ALPK3: variants seen among roughly 807,000 people sequenced by gnomAD.
ALPK3 encodes the protein alpha kinase 3.
In ALPK3, 102 loss-of-function variants were observed where a neutral mutation model predicts 140.0. That is an observed-to-expected ratio of 0.73 (90% confidence interval 0.62 to 0.86). ALPK3 has a LOEUF of 0.86. Among genes scored for constraint, ALPK3 ranks in the 40% least tolerant of loss-of-function variants. The pLI, the probability that ALPK3 is intolerant of heterozygous loss-of-function variation, is 0.00. For synonymous variants in ALPK3, 938 were observed against 898.5 expected (o/e 1.04, Z -0.79); for missense variants, 2,254 against 2,208.2 (o/e 1.02, Z -0.42).
In ALPK3 at chr15:84,840,685, C is replaced by T. The variant is rs746457084; in HGVS notation, c.1406C>T (p.Ser469Phe). ...VPGAPGQPTH[S>F]LTPQPTRPFN... ...GGCGCTCCTGGCCAGCCCACACACT[C>T]CTTGACCCCCCAGCCGACTAGGCCT... The change falls in exon 5 of 14, where the codon TCC becomes TTC. Residue 469 changes from serine (S) to phenylalanine (F), a missense_variant. This residue lies in a region of ALPK3 where 2,088 missense variants were observed against 2,022.9 expected (regional missense o/e 1.03). Coordinates refer to ENST00000258888, the MANE Select transcript of ALPK3 (RefSeq NM_020778.5). The T allele has an allele frequency of 1.0e-5, 16 of 1,605,398 alleles. No homozygotes were observed. The highest frequency in any genetic ancestry group is 1.4e-5 in the Non-Finnish European group (16 of 1,175,850).
intron 3 of ALPK3, among the ~76,000 whole-genome samples, chr15:84,828,713 G>A (rs7183401): frequency 2.0e-5 from 3 of 151,992 alleles, no homozygotes; most frequent in African/African-American, 2.4e-5. Flanking sequence ...GGTGAATTTC[G>A]CAAGTTGTCT....
At chr15:84,848,458 TA>T (rs1230072321) in intron 5 of ALPK3, among the ~76,000 whole-genome samples, 1 of 151,986 alleles carries the variant, frequency 6.6e-6, no homozygotes, top group Non-Finnish European at 1.5e-5. Flanking sequence ...AGAAATACTA[TA>T]CAAAGAGATA....
At chr15:84,823,289 G>T (rs1963448020) in intron 1 of ALPK3, 41 bp from the exon 2 acceptor site, 1 of 1,613,082 alleles carries the variant, frequency 6.2e-7, no homozygotes, top group East Asian at 2.2e-5. Context: ...CTTCCTTCTT[G>T]CTTTTTTGGC....
At position 84,856,654 on chromosome 15, in the gene ALPK3, C is replaced by T. The variant is rs151054715; in HGVS notation, c.1916C>T (p.Thr639Met). The T allele has an allele frequency of 1.9e-5, 31 of 1,613,862 alleles. No homozygotes were observed. In the East Asian group the frequency reaches 3.3e-4, roughly 17 times the overall value. Residue 639 changes from threonine to methionine, a missense_variant, in exon 6 of 14, where the codon ACG becomes ATG. By Grantham distance (81) the Thr-to-Met change is moderately conservative. This residue lies in a region of ALPK3 where 2,088 missense variants were observed against 2,022.9 expected (regional missense o/e 1.03). Transcript: ENST00000258888. Reference protein sequence around the residue: ...TAQRTRADRKTQVDAGTQESK... With the variant: ...TAQRTRADRKMQVDAGTQESK... ...CAGAGGACACGTGCAGATAGGAAGA[C>T]GCAGGTGGATGCTGGGACACAAGAA... is the stretch of plus-strand genomic sequence containing the variant.
In ALPK3 at chr15:84,860,154, G is replaced by T. The variant is rs1294808485; in HGVS notation, c.4129+82G>T. ...GACCCTCTTTAAGGGCTTGGAATCT[G>T]GTCCCAATCCACATACTGCTCCTCT... On this transcript the variant is annotated intron_variant, in intron 9 of 13. Coordinates refer to ENST00000258888, the MANE Select transcript of ALPK3 (RefSeq NM_020778.5). 20 of 1,524,324 alleles carry T rather than the reference G, an allele frequency of 1.3e-5. No homozygotes were observed. In the East Asian group the frequency reaches 4.0e-4, roughly 31 times the overall value. 94.4% of individuals were successfully genotyped at this position (1,524,324 alleles called of 1,614,324 possible).
At chr15:84,866,052 C>T (rs1182832625) in intron 12 of ALPK3, among the ~76,000 whole-genome samples, 1 of 152,202 alleles carries the variant, frequency 6.6e-6, no homozygotes, top group Admixed American at 6.5e-5. Context: ...TTAGGTCATT[C>T]AATCTCTCTG....
At chr15:84,832,369 C>A (rs912857426) in intron 3 of ALPK3, among the ~76,000 whole-genome samples, 31 of 152,186 alleles carry the variant, frequency 2.0e-4, no homozygotes, top group African/African-American at 7.5e-4. Flanking sequence ...TGCCTGTTCA[C>A]TTCATCTTTG....
rs1323802258 is a variant in ALPK3 at position 84,817,590 on chromosome 15, G to C, written c.138G>C (p.Glu46Asp). The C allele has an allele frequency of 6.7e-7, 1 of 1,498,654 alleles. No individual in the cohort carries two copies. Among genetic ancestry groups the C allele is most frequent in the Non-Finnish European group, 8.9e-7 (1 of 1,129,486 alleles). The allele number at this position is 1,498,654 out of a possible 1,614,324, so 92.8% of individuals were successfully genotyped here. The change falls in exon 1 of 14, where the codon GAG becomes GAC. Residue 46 changes from glutamate to aspartate, a missense_variant. Physicochemically the swap from Glu to Asp is conservative, Grantham distance 45. Coordinates refer to ENST00000258888, the MANE Select transcript of ALPK3 (RefSeq NM_020778.5). Reference sequence around the variant, plus strand: ...GCTACCTGCTCAGCGTGCGGCCCGAGACCAGGTAAGTGGCACCAAGGGGCA... The same window carrying C: ...GCTACCTGCTCAGCGTGCGGCCCGACACCAGGTAAGTGGCACCAAGGGGCA... Reference protein sequence around the residue: ...SRSYLLSVRPETSLSSNRLSH... With the variant: ...SRSYLLSVRPDTSLSSNRLSH...
At chr15:84,845,763 C>T (rs768904228) in intron 5 of ALPK3, among the ~76,000 whole-genome samples, 1 of 152,156 alleles carries the variant, frequency 6.6e-6, no homozygotes, top group Non-Finnish European at 1.5e-5. Context: ...AGGGCAGATC[C>T]AAATAGCACT....
At chr15:84,831,532 T>G (rs187555960) in intron 3 of ALPK3, among the ~76,000 whole-genome samples, 25 of 152,376 alleles carry the variant, frequency 1.6e-4, no homozygotes, top group Non-Finnish European at 3.1e-4. Flanking sequence ...TTCTGTAGCA[T>G]CCTGCACTTT....
At chr15:84,855,773 C>T (rs1054882442) in intron 5 of ALPK3, among the ~76,000 whole-genome samples, 2 of 152,214 alleles carry the variant, frequency 1.3e-5, no homozygotes, top group African/African-American at 4.8e-5. Flanking sequence ...ATACAGGGGC[C>T]TAGCATAGTG....
chr15:84,858,552 A>C lies in ALPK3; in HGVS notation c.3814A>C (p.Lys1272Gln). The C allele has an allele frequency of 6.3e-7, 1 of 1,581,506 alleles. No individual in the cohort carries two copies. The highest frequency in any genetic ancestry group is 8.5e-7 in the Non-Finnish European group (1 of 1,171,848). The stretch of plus-strand genomic sequence containing the variant: ...GCCCAGGAAAGCCAAAGACCTGCTG[A>C]AAGGTGAGCAGTGGGGAGGGAGAGG... ...AKPRKAKDLL[K>Q]APQVIRKIRV... Residue 1272 changes from lysine to glutamine, a missense_variant, in exon 6 of 14, where the codon AAA (lysine) becomes CAA (glutamine). Physicochemically the swap from Lys to Gln is moderately conservative, Grantham distance 53. Around this residue, in one of 3 missense-constraint regions of ALPK3, gnomAD observed 2,088 missense variants for 2,022.9 expected, o/e 1.03. Coordinates refer to ENST00000258888, the MANE Select transcript of ALPK3 (RefSeq NM_020778.5).
Position 84,868,131 on chromosome 15 carries a change from G to A in ALPK3, c.4793G>A (p.Ser1598Asn). 3 of 1,611,398 alleles carry A rather than the reference G, an allele frequency of 1.9e-6. No homozygotes were observed. Among genetic ancestry groups the A allele is most frequent in the African/African-American group, 1.3e-5 (1 of 74,960 alleles). Residue 1598 changes from serine to asparagine, a missense_variant, in exon 14 of 14, where the codon AGC becomes AAC. Physicochemically the swap from Ser to Asn is conservative, Grantham distance 46 (BLOSUM62 1). This residue lies in a region of ALPK3 where 158 missense variants were observed against 159.8 expected (regional missense o/e 0.99). Transcript: ENST00000258888. ...KLRGYQGLKE[S>N]CFPALLDRFA... ...TGCAGATACCAGGGCCTCAAGGAAA[G>A]CTGCTTCCCTGCCCTGCTGGACCGG...
intron 12 of ALPK3, among the ~76,000 whole-genome samples, chr15:84,866,235 G>C (rs1046973709): frequency 4.7e-4 from 71 of 152,200 alleles, no homozygotes; most frequent in African/African-American, 1.6e-3. Flanking sequence ...AATGCCAAAA[G>C]AGAAATGACA....
Position 84,859,907 on chromosome 15 carries a change from A to T in ALPK3, c.4093+4A>T. 6.2e-7 allele frequency: 1 copy of T among 1,613,858 alleles called. No homozygotes were observed. ...GACTTCTGCCTCAGCCCTGAGGGTG[A>T]GTGTGCCCCGCGGCCCGGGGTCTCA... On this transcript the variant is annotated splice_donor_region_variant and intron_variant, in intron 8 of 13. Transcript: ENST00000258888.
Position 84,859,226 on chromosome 15 carries a change from C to A in ALPK3, c.3818-17C>A. On this transcript the variant is annotated splice_polypyrimidine_tract_variant and intron_variant, in intron 6 of 13. Coordinates refer to ENST00000258888, the MANE Select transcript of ALPK3 (RefSeq NM_020778.5). The stretch of plus-strand genomic sequence containing the variant: ...AGGAGAGGTGGTGTTCCCCTCTTGA[C>A]TGGGCCCTGCTCTCAGCCCCACAGG... 1.2e-6 allele frequency: 2 copies of A among 1,613,818 alleles called. No homozygotes were observed. Among genetic ancestry groups the A allele is most frequent in the Non-Finnish European group, 1.7e-6 (2 of 1,179,916 alleles).
chr15:84,840,063 G>A lies in ALPK3; in HGVS notation c.784G>A (p.Gly262Ser). ...EGETETAQHS[G>S]LGLINSFASG... ...AGAGACTGAGACTGCTCAGCACTCA[G>A]GTTTGGGCCTGATCAACAGTTTTGC... The change falls in exon 5 of 14, where the codon GGT becomes AGT. Residue 262 changes from glycine (G) to serine (S), a missense_variant. Coordinates refer to ENST00000258888, the MANE Select transcript of ALPK3 (RefSeq NM_020778.5). 1 of 1,614,148 alleles carries A rather than the reference G, an allele frequency of 6.2e-7. No homozygotes were observed. Among genetic ancestry groups the A allele is most frequent in the Non-Finnish European group, 8.5e-7 (1 of 1,180,020 alleles).
chr15:84,857,247 C>T lies in ALPK3; in HGVS notation c.2509C>T (p.Gln837Ter). Residue 837 changes from glutamine (Q) to a stop codon, truncating the protein, a stop_gained, in exon 6 of 14, where the codon CAG becomes TAG. Coordinates refer to ENST00000258888, the MANE Select transcript of ALPK3 (RefSeq NM_020778.5). LOFTEE classifies it high-confidence loss of function. ...GGCCAAGCAGGAGGACAGCCCGTTCCAGTGCCCCAAGGAGGAGCGGCCAGG... is the reference window on the plus strand; with the variant it reads ...GGCCAAGCAGGAGGACAGCCCGTTCTAGTGCCCCAAGGAGGAGCGGCCAGG... ...VEAKQEDSPFQCPKEERPGGV... is the reference protein window; with the variant it reads ...VEAKQEDSPF 6.2e-7 allele frequency: 1 copy of T among 1,614,050 alleles called. No individual in the cohort carries two copies. The highest frequency in any genetic ancestry group is 2.2e-5 in the East Asian group (1 of 44,868).
chr15:84,862,861 TGGGCCCAGCA>T lies in ALPK3; in HGVS notation c.4358_4367del (p.Gly1453ValfsTer22). On this transcript the variant is annotated frameshift_variant, in exon 10 of 14. Coordinates refer to ENST00000258888, the MANE Select transcript of ALPK3 (RefSeq NM_020778.5). LOFTEE classifies it high-confidence loss of function. ...TCAAGGTGTCCAGCCTGCTTGTGTT[TGGGCCCAGCA>T]GTGAGACTTCTCTTGTGGGCAGAAA... is the stretch of plus-strand genomic sequence containing the variant. The T allele has an allele frequency of 6.2e-7, 1 of 1,614,148 alleles. No individual in the cohort carries two copies. Among genetic ancestry groups the T allele is most frequent in the Non-Finnish European group, 8.5e-7 (1 of 1,180,024 alleles).
Sources: allele counts gnomAD v4.1 joint callset (sites outside exome capture counted in the v4.1 genomes callset), GRCh38; gene constraint gnomAD v4.1.1; regional missense constraint gnomAD v4.1.1; transcripts MANE v1.5; gene names NCBI Gene and HGNC (gene_info 2026-07-23, HGNC 2026-07-21).